The following DIAPH2 variants were observed in gnomAD, a reference collection of about 807,000 sequenced individuals.
The protein encoded by DIAPH2 is diaphanous related formin 2, also known as protein diaphanous homolog 2.
In DIAPH2, 35 loss-of-function variants were observed where a neutral mutation model predicts 92.7. That is an observed-to-expected ratio of 0.38 (90% CI 0.29 to 0.50). The LOEUF is 0.50. Among genes scored for constraint, DIAPH2 ranks in the 20% least tolerant of loss-of-function variants. The pLI is 0.94. For missense variants in DIAPH2, 701 were observed against 819.5 expected (o/e 0.86, Z 1.77); for synonymous variants, 301 against 280.4 (o/e 1.07, Z -0.73).
chrX:96,822,802 C>A (rs973441678), intron 4 of DIAPH2, among the ~76,000 whole-genome samples: 31 of 112,039 alleles, frequency 2.8e-4, no homozygotes, highest in African/African-American at 9.7e-4. Context: ...AGGGCAAATG[C>A]CGATTTTATA....
chrX:97,420,162 C>G (rs2069993455), intron 25 of DIAPH2, among the ~76,000 whole-genome samples: 1 of 111,491 alleles, frequency 9.0e-6, no homozygotes, highest in African/African-American at 3.3e-5. Flanking sequence ...ATTTTTTTAA[C>G]CACCATTTGC....
chrX:96,838,284 A>G (rs1208942258), intron 4 of DIAPH2, among the ~76,000 whole-genome samples: 1 of 111,784 alleles, frequency 8.9e-6, no homozygotes, highest in Non-Finnish European at 1.9e-5. Context: ...CAAAACAGGG[A>G]TATTCAGCAA....
chrX:97,521,711 C>T (rs1442933738), intron 26 of DIAPH2, among the ~76,000 whole-genome samples: 1 of 111,449 alleles, frequency 9.0e-6, no homozygotes, highest in Non-Finnish European at 1.9e-5. Context: ...GAAGAGGTGC[C>T]TTAGCCACAA....
At chrX:97,572,757 G>A (rs930575556) in intron 26 of DIAPH2, among the ~76,000 whole-genome samples, 2 of 111,678 alleles carry the variant, frequency 1.8e-5, no homozygotes, top group African/African-American at 6.5e-5. Flanking sequence ...TTAAAGATCC[G>A]AGTGTATTAT....
chrX:96,871,284 C>T (rs1318898572), intron 4 of DIAPH2, among the ~76,000 whole-genome samples: 2 of 109,120 alleles, frequency 1.8e-5, no homozygotes, highest in Admixed American at 9.9e-5. Context: ...CTGGCTAACA[C>T]GGTGAAACCC....
chrX:97,270,226 G>A (rs1291510320), intron 23 of DIAPH2, among the ~76,000 whole-genome samples: 3 of 110,050 alleles, frequency 2.7e-5, no homozygotes, highest in African/African-American at 1.0e-4. Context: ...ACTGTGCCTG[G>A]CCTAATTTTG....
chrX:97,474,186 G>A (rs777312568), intron 26 of DIAPH2, among the ~76,000 whole-genome samples: 1 of 112,034 alleles, frequency 8.9e-6, no homozygotes, highest in South Asian at 3.7e-4. Context: ...CCGACTGCTG[G>A]AGTAGATCAT....
intron 20 of DIAPH2, among the ~76,000 whole-genome samples, chrX:97,109,471 A>G (rs2066964683): frequency 9.0e-6 from 1 of 111,629 alleles, no homozygotes; most frequent in South Asian, 3.8e-4. Context: ...CTGTGTAACT[A>G]CAGTGTCGCT....
chrX:97,061,945 A>T (rs2066602160), intron 17 of DIAPH2, among the ~76,000 whole-genome samples: 1 of 110,612 alleles, frequency 9.0e-6, no homozygotes, highest in African/African-American at 3.3e-5. Flanking sequence ...AAGGGGAGAG[A>T]GGCAGTGGTA....
chrX:96,765,026 C>T (rs958842849), intron 4 of DIAPH2, among the ~76,000 whole-genome samples: 2 of 110,663 alleles, frequency 1.8e-5, no homozygotes, highest in African/African-American at 6.6e-5. Flanking sequence ...TGTAGCCTAC[C>T]AAGCAGTCTC....
At chrX:96,862,252 A>C (rs1206879697) in intron 4 of DIAPH2, among the ~76,000 whole-genome samples, 1 of 111,886 alleles carries the variant, frequency 8.9e-6, no homozygotes, top group Non-Finnish European at 1.9e-5. Flanking sequence ...TGTGTTGTCA[A>C]CTACTTAAGA....
chrX:96,970,971 T>C (rs767489390), intron 17 of DIAPH2, among the ~76,000 whole-genome samples: 1 of 112,405 alleles, frequency 8.9e-6, no homozygotes, highest in South Asian at 3.7e-4. Flanking sequence ...TTTTATTTTC[T>C]GTAAAGGCAT....
rs202046146 is a variant in DIAPH2, at chrX:97,312,345, C to CAT, written c.2845-35771_2845-35770insAT. ...TTGATCACTTTTGATCAATAGAATC[C>CAT]TTTTTTTTTTTTTTTTTTTTTTTTT... On this transcript the variant is annotated intron_variant, in intron 23 of 26. Transcript: ENST00000324765. Among the ~76,000 whole-genome samples the CAT allele has an allele frequency of 1.6e-3, 87 of 54,954 alleles. 14 individuals are homozygous for CAT. The highest frequency in any genetic ancestry group is 4.1e-3 in the South Asian group (3 of 738). 47.7% of individuals were successfully genotyped at this position (54,954 alleles called of 115,157 possible). A position where few individuals can be genotyped will look rare whatever the true frequency, so the allele number is the denominator to read the frequency against.
intron 22 of DIAPH2, among the ~76,000 whole-genome samples, chrX:97,224,342 G>A (rs2067949051): frequency 9.0e-6 from 1 of 111,675 alleles, no homozygotes; most frequent in Non-Finnish European, 1.9e-5. Context: ...GAGCAAAATG[G>A]TTTCATTTAT....
chrX:97,064,145 A>G (rs2066618329), intron 17 of DIAPH2, among the ~76,000 whole-genome samples: 1 of 111,723 alleles, frequency 9.0e-6, no homozygotes, highest in Admixed American at 9.5e-5. Flanking sequence ...AATAATCTAA[A>G]TTTCCTATAC....
At chrX:96,799,176 C>G (rs233662) in intron 4 of DIAPH2, among the ~76,000 whole-genome samples, 47,278 of 109,059 alleles carry the variant, frequency 0.43, 9,126 homozygotes, top group African/African-American at 0.75. Flanking sequence ...CTGCAGTACT[C>G]TGCATGGTTT....
rs1478225655 is a variant in DIAPH2, at chrX:97,515,267, G to A, written c.3242-83986G>A. Among the ~76,000 whole-genome samples, 3 of 112,438 alleles carry A rather than the reference G, an allele frequency of 2.7e-5. No homozygotes were observed. The Admixed American group carries it at 2.8e-4, about 11-fold the overall frequency. ...CGCAGTATTCGGGTGGGAGTGATCC[G>A]ATTTTCCAGGTGCCGTCCGTCACCC... On this transcript the variant is annotated intron_variant, in intron 26 of 26. Coordinates refer to ENST00000324765, the MANE Select transcript of DIAPH2 (RefSeq NM_006729.5).
chrX:97,075,702 C>G (rs1239004041), intron 19 of DIAPH2, among the ~76,000 whole-genome samples: 1 of 111,849 alleles, frequency 8.9e-6, no homozygotes, highest in Non-Finnish European at 1.9e-5. Flanking sequence ...CTAACTTTTA[C>G]CCAACTCTGT....
chrX:96,803,778 G>A (rs1277069375), intron 4 of DIAPH2, among the ~76,000 whole-genome samples: 1 of 112,081 alleles, frequency 8.9e-6, no homozygotes, highest in African/African-American at 3.2e-5. Context: ...GGTGGCTCAC[G>A]CCTGTAATCC....
Sources: allele counts gnomAD v4.1 joint callset (sites outside exome capture counted in the v4.1 genomes callset), GRCh38; gene constraint gnomAD v4.1.1; transcripts MANE v1.5; gene names NCBI Gene and HGNC (gene_info 2026-07-23, HGNC 2026-07-21).